WDR6: variants seen among roughly 807,000 people sequenced by gnomAD.
WDR6 encodes the protein tRNA (34-2'-O)-methyltransferase regulator WDR6.
Under a neutral mutation model 85.6 loss-of-function variants are expected in WDR6, and 58 were observed. The ratio of observed to expected loss-of-function variants is 0.68; its 90% CI spans 0.55 to 0.84. The LOEUF is 0.84. WDR6 is among the 40% of genes least tolerant of loss of function. WDR6 has a pLI of 0.00. For missense variants in WDR6, 1,310 were observed against 1,476.4 expected (o/e 0.89, Z 1.85); for synonymous variants, 569 against 582.2 (o/e 0.98, Z 0.33).
intron 1 of WDR6, chr3:49,008,520 CAAAG>C (rs2092997395): frequency 1.3e-5 from 2 of 152,282 alleles, no homozygotes; most frequent in Admixed American, 6.5e-5. Context: ...AGCAGAAACT[CAAAG>C]AACCACAAGA....
At chr3:49,011,054 C>T (rs990091905) in intron 1 of WDR6, 1 of 439,662 alleles carries the variant, frequency 2.3e-6, no homozygotes, top group African/African-American at 2.1e-5. Context: ...AGCACAAAGT[C>T]AGCACTGAAA....
chr3:49,011,548 C>T (rs181799706), intron 1 of WDR6, 87 bp from the exon 2 acceptor site: 36 of 1,612,100 alleles, frequency 2.2e-5, no homozygotes, highest in Admixed American at 2.2e-4. Flanking sequence ...GGCTACATGC[C>T]GAGAAGTTTC....
rs2093026643 is a variant in WDR6 at position 49,013,036 on chromosome 3, C to G, written c.1502C>G (p.Pro501Arg). The G allele has an allele frequency of 6.2e-7, 1 of 1,612,382 alleles. No homozygotes were observed. Among genetic ancestry groups the G allele is most frequent in the Non-Finnish European group, 8.5e-7 (1 of 1,178,936 alleles). Reference sequence around the variant, plus strand: ...TGGCACACATGCAGTGCCTTCCTACCCCCAGGTGACTTCCTGGTGTGTGGT... The same window carrying G: ...TGGCACACATGCAGTGCCTTCCTACGCCCAGGTGACTTCCTGGTGTGTGGT... ...QRWHTCSAFL[P>R]PGDFLVCGDR... The change falls in exon 2 of 6, where the codon CCC becomes CGC. Residue 501 changes from proline to arginine, a missense_variant. Transcript: ENST00000608424. The surrounding 1 kb of genome is among the most constrained non-coding windows in gnomAD (Gnocchi z 4.6).
At position 49,015,396 on chromosome 3, in the gene WDR6, T is replaced by C. The variant is rs776219385; in HGVS notation, c.*108T>C. The C allele has an allele frequency of 5.2e-5, 75 of 1,446,896 alleles. 1 individual carries two copies. In the Middle Eastern group the frequency reaches 9.2e-4, roughly 18 times the overall value. 89.6% of individuals were successfully genotyped at this position (1,446,896 alleles called of 1,614,324 possible). A position where few individuals can be genotyped will look rare whatever the true frequency, so the allele number is the denominator to read the frequency against. ...CTCAGCATGCCTTGAGGGGAGGAGG[T>C]GGTGGCCGTGGGTTCCTGATGTCGG... On this transcript the variant is annotated 3_prime_UTR_variant, in exon 6 of 6. Coordinates refer to ENST00000608424, the MANE Select transcript of WDR6 (RefSeq NM_018031.6).
rs768281077 is a variant in WDR6, at chr3:49,014,367, A to AC, written c.2667-10dup. 1.5e-5 allele frequency: 24 copies of AC among 1,612,992 alleles called. No individual in the cohort carries two copies. In the East Asian group the frequency reaches 1.8e-4, roughly 12 times the overall value. On this transcript the variant is annotated splice_polypyrimidine_tract_variant and intron_variant, in intron 3 of 5. Transcript: ENST00000608424. This position sits in a 1 kb window ranked among gnomAD's most constrained non-coding sequence, Gnocchi z 4.9. ...TCTAGGATGCGTTCTGAGCTGGGCC[A>AC]CCCCCCGCCCCCCAGGCTCTTTCTT... is the stretch of plus-strand genomic sequence containing the variant.
Position 49,015,516 on chromosome 3 carries a change from G to T in WDR6, c.*228G>T. ...GTAACAAACAGTACCAATTTATTTT[G>T]GCCGTGGGTTTTTGCTTTTTTTCCA... On this transcript the variant is annotated 3_prime_UTR_variant, in exon 6 of 6. Coordinates refer to ENST00000608424, the MANE Select transcript of WDR6 (RefSeq NM_018031.6). 1.3e-6 allele frequency: 2 copies of T among 1,594,560 alleles called. No individual in the cohort carries two copies. Among genetic ancestry groups the T allele is most frequent in the Non-Finnish European group, 1.7e-6 (2 of 1,166,814 alleles).
Position 49,012,300 on chromosome 3 carries a change from G to GGGCA in WDR6, c.767_770dup (p.His257GlnfsTer31), listed in dbSNP as rs765128281. On this transcript the variant is annotated frameshift_variant, in exon 2 of 6. Transcript: ENST00000608424. LOFTEE classifies it high-confidence loss of function. This position sits in a 1 kb window ranked among gnomAD's most constrained non-coding sequence, Gnocchi z 4.4. ...GGTGCAGAATATTGGGCACTGCTTTGGGCACAGCGCCCGTGTGTGGCAGGT... is the reference window on the plus strand; with the variant it reads ...GGTGCAGAATATTGGGCACTGCTTTGGGCAGGCACAGCGCCCGTGTGTGGCAGGT... The GGGCA allele has an allele frequency of 3.7e-6, 6 of 1,614,236 alleles. No individual in the cohort carries two copies. The highest frequency in any genetic ancestry group is 5.1e-6 in the Non-Finnish European group (6 of 1,180,044).
At position 49,013,722 on chromosome 3, in the gene WDR6, C is replaced by T. The variant is rs775781444; in HGVS notation, c.2188C>T (p.Leu730=). 5.0e-6 allele frequency: 8 copies of T among 1,613,948 alleles called. No homozygotes were observed. The highest frequency in any genetic ancestry group is 6.8e-6 in the Non-Finnish European group (8 of 1,179,956). Residue 730 remains leucine (L), a synonymous_variant, in exon 2 of 6, where the codon CTG becomes TTG. Transcript: ENST00000608424. The surrounding 1 kb of genome is among the most constrained non-coding windows in gnomAD (Gnocchi z 4.6). The part of the protein sequence containing the change: ...GVPSFMQPDD[L]EPGSEGPDLT... The stretch of plus-strand genomic sequence containing the variant: ...GCCCAGCTTCATGCAGCCTGATGAC[C>T]TGGAGCCTGGCAGTGAGGGGCCCGA...
chr3:49,012,857 G>A lies in WDR6; in HGVS notation c.1323G>A (p.Leu441=). The A allele has an allele frequency of 1.2e-6, 2 of 1,613,748 alleles. No homozygotes were observed. Among genetic ancestry groups the A allele is most frequent in the Non-Finnish European group, 1.7e-6 (2 of 1,179,912 alleles). The change falls in exon 2 of 6, where the codon TTG becomes TTA. Residue 441 remains leucine (L), a synonymous_variant. Coordinates refer to ENST00000608424, the MANE Select transcript of WDR6 (RefSeq NM_018031.6). The surrounding 1 kb of genome is among the most constrained non-coding windows in gnomAD (Gnocchi z 4.4). ...QTLFPGKVHS[L]SWALRGYEEL... is the part of the protein sequence containing the mutation. ...TGTTTCCTGGGAAGGTGCACAGCTT[G>A]AGCTGGGCCCTGCGTGGTTATGAGG...
In WDR6 at chr3:49,014,856, C is replaced by G; in HGVS notation, c.2934C>G (p.Ala978=). 6.2e-7 allele frequency: 1 copy of G among 1,609,206 alleles called. No homozygotes were observed. ...RLGTPSLTLQ[A]HSCGINSLHT... is the part of the protein sequence containing the mutation. ...GCACCCCCTCCCTGACTCTCCAGGC[C>G]CACAGCTGTGGTATCAACAGCCTGC... Residue 978 remains alanine, a synonymous_variant, in exon 6 of 6, where the codon GCC becomes GCG. Coordinates refer to ENST00000608424, the MANE Select transcript of WDR6 (RefSeq NM_018031.6). The surrounding 1 kb of genome is among the most constrained non-coding windows in gnomAD (Gnocchi z 4.9).
chr3:49,014,042 G>A lies in WDR6; in HGVS notation c.2508G>A (p.Ser836=), dbSNP rs140857850. ...SRLACHVMHL[S]SHRLDEYWDR... is the part of the protein sequence containing the mutation. The stretch of plus-strand genomic sequence containing the variant: ...TCGCCTGCCATGTCATGCACCTTTC[G>A]TCCCACCGGCTAGATGAGTATTGGG... Residue 836 remains serine, a synonymous_variant, in exon 2 of 6, where the codon TCG becomes TCA. Coordinates refer to ENST00000608424, the MANE Select transcript of WDR6 (RefSeq NM_018031.6). The surrounding 1 kb of genome is among the most constrained non-coding windows in gnomAD (Gnocchi z 4.9). 25 of 1,612,428 alleles carry A rather than the reference G, an allele frequency of 1.6e-5. No individual in the cohort carries two copies. The highest frequency in any genetic ancestry group is 1.1e-4 in the African/African-American group (8 of 74,896).
Position 49,012,910 on chromosome 3 carries a change from G to A in WDR6, c.1376G>A (p.Gly459Asp), listed in dbSNP as rs2093025625. The A allele has an allele frequency of 2.5e-6, 4 of 1,613,844 alleles. No individual in the cohort carries two copies. Among genetic ancestry groups the A allele is most frequent in the Non-Finnish European group, 3.4e-6 (4 of 1,179,964 alleles). ...EELLLLASGPGGVVACLEISA... is the reference protein window; with the variant it reads ...EELLLLASGPDGVVACLEISA... Reference sequence around the variant, plus strand: ...CTCCTGTTGCTGGCATCGGGCCCTGGCGGGGTAGTAGCTTGCCTAGAGATC... The same window carrying A: ...CTCCTGTTGCTGGCATCGGGCCCTGACGGGGTAGTAGCTTGCCTAGAGATC... The change falls in exon 2 of 6, where the codon GGC becomes GAC. Residue 459 changes from glycine (G) to aspartate (D), a missense_variant. By Grantham distance (94) the Gly-to-Asp change is moderately conservative. Coordinates refer to ENST00000608424, the MANE Select transcript of WDR6 (RefSeq NM_018031.6). This position sits in a 1 kb window ranked among gnomAD's most constrained non-coding sequence, Gnocchi z 4.4.
rs1271120413 is a variant in WDR6 at position 49,014,933 on chromosome 3, A to G, written c.3011A>G (p.Asp1004Gly). 1 of 1,614,072 alleles carries G rather than the reference A, an allele frequency of 6.2e-7. No homozygotes were observed. Among genetic ancestry groups the G allele is most frequent in the Non-Finnish European group, 8.5e-7 (1 of 1,179,994 alleles). Residue 1004 changes from aspartate (D) to glycine (G), a missense_variant, in exon 6 of 6, where the codon GAT becomes GGT. Coordinates refer to ENST00000608424, the MANE Select transcript of WDR6 (RefSeq NM_018031.6). The surrounding 1 kb of genome is among the most constrained non-coding windows in gnomAD (Gnocchi z 4.9). ...GHHLVASGSE[D>G]GSLHVFVLAV... ...CATCTCGTGGCCAGTGGCAGTGAAGATGGATCCCTCCATGTCTTCGTGCTT... is the reference window on the plus strand; with the variant it reads ...CATCTCGTGGCCAGTGGCAGTGAAGGTGGATCCCTCCATGTCTTCGTGCTT...
chr3:49,009,306 TCCCCA>T (rs2093002227), intron 1 of WDR6, among the ~76,000 whole-genome samples: 2 of 11,426 alleles, frequency 1.8e-4, no homozygotes, highest in African/African-American at 9.5e-4. Context: ...CTCCCATTGC[TCCCCA>T]CCCCCCCCCC....
intron 1 of WDR6, chr3:49,008,391 C>T (rs1345605972): frequency 1.3e-5 from 2 of 152,342 alleles, no homozygotes. Flanking sequence ...GCCACCAGTC[C>T]TAAGAGGGTG....
Position 49,015,437 on chromosome 3 carries a change from T to TGAGTG in WDR6, c.*155_*159dup. The TGAGTG allele has an allele frequency of 7.1e-7, 1 of 1,404,394 alleles. No individual in the cohort carries two copies. The highest frequency in any genetic ancestry group is 2.3e-5 in the East Asian group (1 of 43,466). The allele number at this position is 1,404,394 out of a possible 1,614,324, so 87.0% of individuals were successfully genotyped here. ...CTGATGTCGGTGCAGGAGCTGAAGG[T>TGAGTG]GAGTGGAGTGCTGCCAAGAATATGC... On this transcript the variant is annotated 3_prime_UTR_variant, in exon 6 of 6. Transcript: ENST00000608424.
At chr3:49,011,007 CTCTG>C in intron 1 of WDR6, 1 of 431,586 alleles carries the variant, frequency 2.3e-6, no homozygotes, top group East Asian at 7.0e-5. Flanking sequence ...CAGAATGAGA[CTCTG>C]TCTCAAAAAA....
At chr3:49,011,394 C>CTTTTTTTTTTT in intron 1 of WDR6, 2 of 1,147,126 alleles carry the variant, frequency 1.7e-6, no homozygotes, top group Non-Finnish European at 2.4e-6. Context: ...CAAGGATTTT[C>CTTTTTTTTTTT]TTTTTTTTTT....
At position 49,011,866 on chromosome 3, in the gene WDR6, G is replaced by T. The variant is rs773894176; in HGVS notation, c.332G>T (p.Gly111Val). 1.2e-6 allele frequency: 2 copies of T among 1,614,124 alleles called. No individual in the cohort carries two copies. The highest frequency in any genetic ancestry group is 1.1e-5 in the South Asian group (1 of 91,094). The change falls in exon 2 of 6, where the codon GGC becomes GTC. Residue 111 changes from glycine to valine, a missense_variant. Transcript: ENST00000608424. ...CACTTCTGGGAGCTTTGGCGCTCTG[G>T]CCTGTGGAACATGTCTGACTGGATT... The part of the protein sequence containing the change: ...QGHFWELWRS[G>V]LWNMSDWIWD...
Sources: gnomAD v4.1 joint callset for allele counts (sites outside exome capture counted in the v4.1 genomes callset) on GRCh38, gnomAD v4.1.1 for gene constraint, Gnocchi (gnomAD v3.1) non-coding constraint, MANE v1.5 for transcripts, NCBI Gene and HGNC (gene_info 2026-07-23, HGNC 2026-07-21) for gene names.